The following LPGAT1 variants were observed in gnomAD, a reference collection of about 807,000 sequenced individuals.
LPGAT1 encodes the protein acyl-CoA:lysophosphatidylglycerol acyltransferase 1.
LPGAT1 carries 11 observed loss-of-function variants against 47.5 expected under a neutral mutation model. That is an observed-to-expected ratio of 0.23 (90% confidence interval 0.15 to 0.38). LPGAT1 has a LOEUF of 0.38. Among genes scored for constraint, LPGAT1 ranks in the 10% least tolerant of loss-of-function variants. LPGAT1 has a pLI of 1.00. For synonymous variants in LPGAT1, 138 were observed against 144.2 expected (o/e 0.96, Z 0.31); for missense variants, 293 against 439.0 (o/e 0.67, Z 2.97).
intron 6 of LPGAT1, among the ~76,000 whole-genome samples, chr1:211,762,089 T>C (rs1033361318): frequency 6.6e-6 from 1 of 152,222 alleles, no homozygotes; most frequent in Admixed American, 6.5e-5. Context: ...ATTTAGCTTC[T>C]GTTAATATAA....
chr1:211,743,843 CGATT>C lies in LPGAT1; in HGVS notation c.*6052_*6055del, dbSNP rs2102473843. ...AAATAAGAGGTAGACACGACTGTAA[CGATT>C]TAACTCATTTGGTAGACTGTGCAAG... On this transcript the variant is annotated 3_prime_UTR_variant, in exon 8 of 8. Transcript: ENST00000366997. The C allele has an allele frequency of 6.6e-6, 1 of 152,214 alleles. No individual in the cohort carries two copies. Among genetic ancestry groups the C allele is most frequent in the Non-Finnish European group, 1.5e-5 (1 of 68,012 alleles). 9.4% of individuals were successfully genotyped at this position (152,214 alleles called of 1,614,324 possible). A position where few individuals can be genotyped will look rare whatever the true frequency, so the allele number is the denominator to read the frequency against.
intron 2 of LPGAT1, among the ~76,000 whole-genome samples, chr1:211,823,236 A>G (rs556529432): frequency 6.6e-6 from 1 of 152,324 alleles, no homozygotes; most frequent in South Asian, 2.1e-4. Flanking sequence ...AGGAGAAGTG[A>G]TAACAGTACC....
At chr1:211,812,206 A>T (rs1053376424) in intron 2 of LPGAT1, among the ~76,000 whole-genome samples, 5 of 152,380 alleles carry the variant, frequency 3.3e-5, no homozygotes, top group Admixed American at 2.0e-4. Context: ...GAATGAAGTA[A>T]AAAGGCTTGG....
chr1:211,785,827 G>A (rs972957935), intron 4 of LPGAT1, among the ~76,000 whole-genome samples: 5 of 151,744 alleles, frequency 3.3e-5, no homozygotes, highest in Non-Finnish European at 5.9e-5. Context: ...GGCTGGCCTC[G>A]AACTCCTGGC....
chr1:211,790,797 G>A (rs1048808788), intron 3 of LPGAT1, among the ~76,000 whole-genome samples: 18 of 152,288 alleles, frequency 1.2e-4, no homozygotes, highest in African/African-American at 4.1e-4. Context: ...AGTTAATACA[G>A]TTATCATCTA....
chr1:211,786,589 TCC>T, intron 4 of LPGAT1, among the ~76,000 whole-genome samples: 1 of 152,304 alleles, frequency 6.6e-6, no homozygotes, highest in African/African-American at 2.4e-5. Flanking sequence ...ACTAAACTAT[TCC>T]TAATGCTTGG....
chr1:211,815,127 T>C (rs1660124367), intron 2 of LPGAT1, among the ~76,000 whole-genome samples: 1 of 152,216 alleles, frequency 6.6e-6, no homozygotes, highest in South Asian at 2.1e-4. Flanking sequence ...TTAAACACCA[T>C]GGATAATTTG....
rs1488768398 is a variant in LPGAT1 at position 211,764,044 on chromosome 1, T to TGCC, written c.855-12980_855-12978dup. On this transcript the variant is annotated intron_variant, in intron 6 of 7. Transcript: ENST00000366997. ...AAAATTAGCTGAGCGTGATGGCATG[T>TGCC]GCCTGTAATCCCAGCTATGTGGGAG... Among the ~76,000 whole-genome samples, 3 of 152,122 alleles carry TGCC rather than the reference T, an allele frequency of 2.0e-5. No individual in the cohort carries two copies. The South Asian group carries it at 6.2e-4, about 32-fold the overall frequency.
At chr1:211,796,311 GGCCCTAAACCTAAA>G in intron 2 of LPGAT1, among the ~76,000 whole-genome samples, 1 of 151,930 alleles carries the variant, frequency 6.6e-6, no homozygotes, top group African/African-American at 2.4e-5. Context: ...GATTAGGGTG[GGCCCTAAACCTAAA>G]TCCAATAAGA....
chr1:211,797,242 C>A (rs974524698), intron 2 of LPGAT1, among the ~76,000 whole-genome samples: 1 of 151,398 alleles, frequency 6.6e-6, no homozygotes, highest in Non-Finnish European at 1.5e-5. Context: ...GGTGACAAAG[C>A]GAGACTCTGT....
At chr1:211,818,095 G>A (rs562317815) in intron 2 of LPGAT1, among the ~76,000 whole-genome samples, 29 of 152,190 alleles carry the variant, frequency 1.9e-4, no homozygotes, top group South Asian at 1.2e-3. Context: ...TTGGCCTTCC[G>A]AAGTGCTAGG....
chr1:211,820,938 C>T (rs1218575513), intron 2 of LPGAT1, among the ~76,000 whole-genome samples: 2 of 151,750 alleles, frequency 1.3e-5, no homozygotes, highest in East Asian at 1.9e-4. Flanking sequence ...AGGGAGAATC[C>T]CTTTGGGCAG....
chr1:211,793,216 C>T, intron 2 of LPGAT1, 26 bp from the exon 3 acceptor site: 6 of 1,488,300 alleles, frequency 4.0e-6, no homozygotes, highest in Non-Finnish European at 5.6e-6. Context: ...AGTTTCAAAG[C>T]TGTCATTTTA....
At chr1:211,810,789 G>A (rs1213976770) in intron 2 of LPGAT1, among the ~76,000 whole-genome samples, 1 of 152,170 alleles carries the variant, frequency 6.6e-6, no homozygotes, top group African/African-American at 2.4e-5. Context: ...GCGAGAACAT[G>A]CCCGGGTAGT....
chr1:211,830,205 C>A lies in LPGAT1; in HGVS notation c.-28+368G>T. 1.0e-6 allele frequency: 1 copy of A among 983,084 alleles called. No homozygotes were observed. Among genetic ancestry groups the A allele is most frequent in the Non-Finnish European group, 1.2e-6 (1 of 829,210 alleles). The allele number at this position is 983,084 out of a possible 1,614,324, so 60.9% of individuals were successfully genotyped here. A position where few individuals can be genotyped will look rare whatever the true frequency, so the allele number is the denominator to read the frequency against. ...CACCTCGGCGGGCGCGGACGGCGGG[C>A]GGCTGCGGAGAGCGGGGGCGGGTGT... On this transcript the variant is annotated intron_variant, in intron 1 of 7. Coordinates refer to ENST00000366997, the MANE Select transcript of LPGAT1 (RefSeq NM_014873.3). The surrounding 1 kb of genome is among the most constrained non-coding windows in gnomAD (Gnocchi z 5.9).
At chr1:211,825,188 CTTTTTTT>C (rs953536979) in intron 2 of LPGAT1, among the ~76,000 whole-genome samples, 9 of 70,902 alleles carry the variant, frequency 1.3e-4, no homozygotes, top group South Asian at 5.9e-4. Context: ...GCACAGTCTT[CTTTTTTT>C]TTTTTTTTTT....
chr1:211,798,298 C>T (rs1488480904), intron 2 of LPGAT1, among the ~76,000 whole-genome samples: 1 of 152,110 alleles, frequency 6.6e-6, no homozygotes, highest in Non-Finnish European at 1.5e-5. Flanking sequence ...CATAGAGATC[C>T]TGAGTAATGG....
intron 6 of LPGAT1, among the ~76,000 whole-genome samples, chr1:211,763,573 T>G (rs1469452700): frequency 2.0e-5 from 3 of 152,184 alleles, no homozygotes; most frequent in African/African-American, 7.2e-5. Flanking sequence ...GATATAGGAT[T>G]TTTTTTACTT....
intron 5 of LPGAT1, among the ~76,000 whole-genome samples, chr1:211,779,643 G>A (rs998412608): frequency 6.6e-6 from 1 of 151,000 alleles, no homozygotes; most frequent in African/African-American, 2.4e-5. Context: ...CTGAGGTCAG[G>A]AATTCAAGAC....
Sources: allele counts gnomAD v4.1 joint callset (sites outside exome capture counted in the v4.1 genomes callset), GRCh38; gene constraint gnomAD v4.1.1; non-coding constraint Gnocchi (gnomAD v3.1); transcripts MANE v1.5; gene names NCBI Gene and HGNC (gene_info 2026-07-23, HGNC 2026-07-21).